LINGO2: variants seen among roughly 807,000 people sequenced by gnomAD.
The protein encoded by LINGO2 is leucine rich repeat and Ig domain containing 2.
A neutral mutation model predicts 30.6 loss-of-function variants in LINGO2; 14 were observed. That is an observed-to-expected ratio of 0.46 (90% CI 0.30 to 0.72). The LOEUF (loss-of-function observed/expected upper bound fraction) is 0.72, where lower values mean the gene tolerates loss of function less well. LINGO2 is among the 30% of genes least tolerant of loss of function. The pLI, the probability that LINGO2 is intolerant of heterozygous loss-of-function variation, is 0.07. For synonymous variants in LINGO2, 317 were observed against 288.5 expected (o/e 1.10, Z -1.00); for missense variants, 729 against 751.7 (o/e 0.97, Z 0.35).
chr9:28,301,716 T>C (rs1008543784), intron 3 of LINGO2, among the ~76,000 whole-genome samples: 29 of 152,144 alleles, frequency 1.9e-4, no homozygotes, highest in Non-Finnish European at 1.6e-4. Flanking sequence ...ATGAATTGCA[T>C]AAAGTGAGAA....
chr9:29,162,069 G>A, the LINGO2 span, among the ~76,000 whole-genome samples: 1 of 151,904 alleles, frequency 6.6e-6, no homozygotes, highest in African/African-American at 2.4e-5. Context: ...ACAGGCACCC[G>A]CCATCACGCA....
chr9:27,970,200 C>T (rs1820288386), intron 5 of LINGO2, among the ~76,000 whole-genome samples: 2 of 152,060 alleles, frequency 1.3e-5, no homozygotes, highest in African/African-American at 4.8e-5. Context: ...TGTAGTAATG[C>T]TGGGCAGCGG....
intron 4 of LINGO2, among the ~76,000 whole-genome samples, chr9:28,189,493 A>G (rs201545155): frequency 0.11 from 751 of 6,944 alleles, 2 homozygotes; most frequent in Middle Eastern, 0.5. Context: ...GGAAGGAAGG[A>G]AGGGAGGAAG....
chr9:28,032,449 G>A (rs1017034272), intron 4 of LINGO2, among the ~76,000 whole-genome samples: 1 of 152,128 alleles, frequency 6.6e-6, no homozygotes, highest in African/African-American at 2.4e-5. Context: ...ATAACTAACT[G>A]CTCATGCCTT....
the LINGO2 span, among the ~76,000 whole-genome samples, chr9:29,082,645 A>G: frequency 6.6e-6 from 1 of 152,150 alleles, no homozygotes; most frequent in Non-Finnish European, 1.5e-5. Flanking sequence ...TGAACAGGCA[A>G]CCTACAGAAT....
At chr9:28,829,330 G>A in the LINGO2 span, among the ~76,000 whole-genome samples, 1 of 152,248 alleles carries the variant, frequency 6.6e-6, no homozygotes. Flanking sequence ...ATTTGTTCAT[G>A]TGGCCTGATT....
rs557229347 is a variant in LINGO2 at position 28,634,595 on chromosome 9, C to T, written c.-365+35605G>A. 4.0e-5 allele frequency among the ~76,000 whole-genome samples: 6 copies of T among 150,470 alleles called. No homozygotes were observed. The East Asian group carries it at 9.8e-4, about 25-fold the overall frequency. On this transcript the variant is annotated intron_variant, in intron 1 of 5. Transcript: ENST00000379992. ...CCGCCTTCCGAGTTCAAGCAATTCT[C>T]GTGCCTCAGCCTCCCGAGTAGCTGG...
the LINGO2 span, among the ~76,000 whole-genome samples, chr9:28,883,648 A>G: frequency 1.7e-3 from 201 of 118,548 alleles, 14 homozygotes; most frequent in East Asian, 0.021. Flanking sequence ...ATATATATAT[A>G]TATATATATA....
chr9:28,133,268 C>T (rs1827426951), intron 4 of LINGO2, among the ~76,000 whole-genome samples: 1 of 152,102 alleles, frequency 6.6e-6, no homozygotes, highest in Non-Finnish European at 1.5e-5. Context: ...TAATATATTA[C>T]ATATTATGCA....
intron 4 of LINGO2, among the ~76,000 whole-genome samples, chr9:28,231,662 A>G (rs897559126): frequency 2.0e-5 from 3 of 152,116 alleles, no homozygotes; most frequent in Admixed American, 1.3e-4. Flanking sequence ...TAGTTATAGT[A>G]AAACTCTGTT....
intron 3 of LINGO2, among the ~76,000 whole-genome samples, chr9:28,335,070 A>C (rs1203123977): frequency 6.6e-6 from 1 of 152,138 alleles, no homozygotes; most frequent in Non-Finnish European, 1.5e-5. Context: ...CATATTCACT[A>C]CAATTATAAT....
intron 5 of LINGO2, among the ~76,000 whole-genome samples, chr9:28,003,342 T>TATAGATAGATATATAG (rs1822064088): frequency 7.1e-6 from 1 of 141,642 alleles, no homozygotes. Flanking sequence ...TATATAGATA[T>TATAGATAGATATATAG]ATAGATAGAT....
chr9:28,520,432 G>A (rs1218560775), intron 1 of LINGO2, among the ~76,000 whole-genome samples: 1 of 151,798 alleles, frequency 6.6e-6, no homozygotes, highest in Non-Finnish European at 1.5e-5. Context: ...TCTTCAGAGG[G>A]GCTTTCTAAA....
chr9:28,627,493 G>C (rs1826735100), intron 1 of LINGO2, among the ~76,000 whole-genome samples: 1 of 151,800 alleles, frequency 6.6e-6, no homozygotes, highest in Non-Finnish European at 1.5e-5. Flanking sequence ...TCTCCTAATG[G>C]TCCCCTTTTC....
At chr9:29,207,133 AATATAT>A in the LINGO2 span, among the ~76,000 whole-genome samples, 1 of 150,956 alleles carries the variant, frequency 6.6e-6, no homozygotes, top group Admixed American at 6.6e-5. Flanking sequence ...ACATAGACAG[AATATAT>A]ATATATAAAG....
the LINGO2 span, among the ~76,000 whole-genome samples, chr9:29,140,964 G>A: frequency 6.6e-6 from 1 of 151,956 alleles, no homozygotes; most frequent in African/African-American, 2.4e-5. Flanking sequence ...AAATAAAGAT[G>A]TGCCCAGAAA....
rs368072506 is a variant in LINGO2, at chr9:28,041,679, T to C, written c.-86-29274A>G. ...GATTTATATATTTGATCTAATCAAATCACTTTATATTTGGCAGAGATGTGA... is the reference window on the plus strand; with the variant it reads ...GATTTATATATTTGATCTAATCAAACCACTTTATATTTGGCAGAGATGTGA... On this transcript the variant is annotated intron_variant, in intron 4 of 5. Transcript: ENST00000379992. Among the ~76,000 whole-genome samples the C allele has an allele frequency of 1.1e-4, 17 of 152,320 alleles. 1 individual carries two copies. Among genetic ancestry groups the C allele is most frequent in the South Asian group, 1.0e-3 (5 of 4,828 alleles).
chr9:28,864,929 A>G, the LINGO2 span, among the ~76,000 whole-genome samples: 1 of 152,168 alleles, frequency 6.6e-6, no homozygotes, highest in Non-Finnish European at 1.5e-5. Flanking sequence ...AAGAATTTGA[A>G]AAAAGCAGTA....
chr9:28,436,589 C>T (rs1014469543), intron 2 of LINGO2, among the ~76,000 whole-genome samples: 2 of 152,006 alleles, frequency 1.3e-5, no homozygotes, highest in African/African-American at 4.8e-5. Context: ...TCCAGATTAG[C>T]TGGTACTACA....
Sources: allele counts gnomAD v4.1 joint callset (sites outside exome capture counted in the v4.1 genomes callset), GRCh38; gene constraint gnomAD v4.1.1; transcripts MANE v1.5; gene names NCBI Gene and HGNC (gene_info 2026-07-23, HGNC 2026-07-21).